Variants in DOCK3 observed in about 807,000 individuals in gnomAD.
DOCK3 encodes dedicator of cytokinesis protein 3.
In DOCK3, 60 loss-of-function variants were observed where a neutral mutation model predicts 265.6. That is an observed-to-expected ratio of 0.23 (90% CI 0.18 to 0.28). The LOEUF is 0.28. DOCK3 is among the 10% of genes least tolerant of loss of function. The pLI, the probability that DOCK3 is intolerant of heterozygous loss-of-function variation, is 1.00. For missense variants in DOCK3, 1,981 were observed against 2,594.3 expected, an observed-to-expected ratio of 0.76 and a Z score of 5.14; for synonymous variants, 881 against 938.0, an observed-to-expected ratio of 0.94 and a Z score of 1.11.
intron 5 of DOCK3, among the ~76,000 whole-genome samples, chr3:50,982,719 G>T (rs1189113238): frequency 6.6e-6 from 1 of 152,206 alleles, no homozygotes; most frequent in African/African-American, 2.4e-5. Flanking sequence ...CTGCCCTCGG[G>T]GTCACTGCAG....
chr3:51,013,053 C>CT (rs1032205128), intron 5 of DOCK3, among the ~76,000 whole-genome samples: 11 of 152,104 alleles, frequency 7.2e-5, no homozygotes, highest in African/African-American at 2.7e-4. Flanking sequence ...TTCATCTAAT[C>CT]TTTTTTCCAG....
chr3:51,011,266 G>A (rs369478762), intron 5 of DOCK3, among the ~76,000 whole-genome samples: 5 of 152,246 alleles, frequency 3.3e-5, no homozygotes, highest in African/African-American at 9.6e-5. Flanking sequence ...CCAATCAGAC[G>A]TGTACCTGAT....
At chr3:51,054,121 T>TAAAAAAAAAAAAAAAA in intron 5 of DOCK3, among the ~76,000 whole-genome samples, 1 of 85,012 alleles carries the variant, frequency 1.2e-5, no homozygotes, top group Non-Finnish European at 2.3e-5. Context: ...CGTAGCTTCC[T>TAAAAAAAAAAAAAAAA]AAAAAAAAAA....
At chr3:50,806,360 G>A (rs949293025) in intron 2 of DOCK3, among the ~76,000 whole-genome samples, 8 of 152,004 alleles carry the variant, frequency 5.3e-5, no homozygotes, top group South Asian at 2.1e-4. Context: ...CTGTGAGGGC[G>A]GCCTGTGGGA....
At chr3:51,241,698 G>A (rs573572562) in intron 21 of DOCK3, among the ~76,000 whole-genome samples, 3 of 152,122 alleles carry the variant, frequency 2.0e-5, no homozygotes, top group South Asian at 2.1e-4. Context: ...ATTCTTTCCC[G>A]AACTTGGTCT....
intron 5 of DOCK3, among the ~76,000 whole-genome samples, chr3:51,032,108 A>G (rs1575824432): frequency 7.9e-6 from 1 of 127,386 alleles, no homozygotes; most frequent in East Asian, 2.6e-4. Flanking sequence ...GTCCTCAAGT[A>G]CCTCCCTCCT....
chr3:51,311,101 C>T (rs1026029232), intron 28 of DOCK3, among the ~76,000 whole-genome samples: 2 of 152,212 alleles, frequency 1.3e-5, no homozygotes, highest in Non-Finnish European at 2.9e-5. Flanking sequence ...GATACTTCCT[C>T]AAATAGTGAC....
intron 27 of DOCK3, among the ~76,000 whole-genome samples, chr3:51,291,441 T>A (rs1265609078): frequency 6.6e-6 from 1 of 152,022 alleles, no homozygotes; most frequent in Non-Finnish European, 1.5e-5. Flanking sequence ...AACAGAAATA[T>A]AAAGGATCAT....
intron 27 of DOCK3, among the ~76,000 whole-genome samples, chr3:51,306,921 T>C (rs1049712669): frequency 6.6e-6 from 1 of 152,242 alleles, no homozygotes; most frequent in Non-Finnish European, 1.5e-5. Flanking sequence ...TTTACTTCTT[T>C]TTGCCCGTGT....
intron 28 of DOCK3, 92 bp downstream of exon 28, chr3:51,310,418 A>G (rs2083001904): frequency 2.5e-6 from 3 of 1,185,140 alleles, no homozygotes; most frequent in Admixed American, 2.0e-5. Flanking sequence ...CATGAGCAAG[A>G]CAAATAAAGG....
intron 52 of DOCK3, 62 bp downstream of exon 52, chr3:51,380,269 A>G: frequency 6.7e-7 from 1 of 1,502,276 alleles, no homozygotes; most frequent in Admixed American, 1.8e-5. Flanking sequence ...CTGCTCTAGA[A>G]CCACCCTTGG....
At chr3:50,676,067 T>C (rs1474981642) in intron 1 of DOCK3, among the ~76,000 whole-genome samples, 1 of 152,238 alleles carries the variant, frequency 6.6e-6, no homozygotes, top group East Asian at 1.9e-4. Context: ...GGCAATTACA[T>C]GATAGAGTTA....
intron 5 of DOCK3, among the ~76,000 whole-genome samples, chr3:50,938,556 A>G (rs2051521688): frequency 6.6e-6 from 1 of 152,124 alleles, no homozygotes; most frequent in Admixed American, 6.5e-5. Context: ...AATTGAAGTC[A>G]TACAAAGGAT....
chr3:51,027,079 A>T (rs899736928), intron 5 of DOCK3, among the ~76,000 whole-genome samples: 1 of 151,956 alleles, frequency 6.6e-6, no homozygotes, highest in African/African-American at 2.4e-5. Flanking sequence ...TATCTTCTTG[A>T]TGTAGGCATT....
chr3:50,930,354 C>T (rs538203312), intron 4 of DOCK3, among the ~76,000 whole-genome samples: 29 of 152,336 alleles, frequency 1.9e-4, no homozygotes, highest in African/African-American at 5.3e-4. Context: ...CCACAGCCCC[C>T]GCCTTGGGCG....
At chr3:51,100,126 A>G (rs2083027790) in intron 9 of DOCK3, among the ~76,000 whole-genome samples, 1 of 152,198 alleles carries the variant, frequency 6.6e-6, no homozygotes, top group Non-Finnish European at 1.5e-5. Context: ...TCTAAAGGTA[A>G]AGCTGTGCTT....
At chr3:50,779,666 G>C (rs931133673) in intron 2 of DOCK3, among the ~76,000 whole-genome samples, 1 of 152,216 alleles carries the variant, frequency 6.6e-6, no homozygotes, top group African/African-American at 2.4e-5. Flanking sequence ...TTACAGGCGT[G>C]AGCCACTGCG....
chr3:51,356,381 C>T, intron 42 of DOCK3, 26 bp from the exon 43 acceptor site: 1 of 1,613,246 alleles, frequency 6.2e-7, no homozygotes, highest in East Asian at 2.2e-5. Context: ...CCTAACTGCC[C>T]ATACCTGCCT....
At chr3:50,818,485 C>T (rs898765139) in intron 2 of DOCK3, among the ~76,000 whole-genome samples, 1 of 152,212 alleles carries the variant, frequency 6.6e-6, no homozygotes, top group African/African-American at 2.4e-5. Context: ...CGTGTAAACC[C>T]TTGCTGGGCT....
Sources: allele counts gnomAD v4.1 joint callset (sites outside exome capture counted in the v4.1 genomes callset), GRCh38; gene constraint gnomAD v4.1.1; transcripts MANE v1.5; gene names NCBI Gene and HGNC (gene_info 2026-07-23, HGNC 2026-07-21).